FAT4: variants seen among roughly 807,000 people sequenced by gnomAD.
FAT4 encodes protocadherin Fat 4.
Under a neutral mutation model 303.9 loss-of-function variants are expected in FAT4, and 84 were observed. The ratio of observed to expected loss-of-function variants is 0.28; its 90% CI spans 0.23 to 0.33. The LOEUF is 0.33. Ranked by LOEUF, FAT4 falls within the 10% of genes least tolerant of loss-of-function variation. The pLI is 1.00. For synonymous variants in FAT4, 2,307 were observed against 2,298.8 expected, an observed-to-expected ratio of 1.00 and a Z score of -0.10; for missense variants, 6,005 against 6,146.8, an observed-to-expected ratio of 0.98 and a Z score of 0.77.
At chr4:125,408,322 A>T (rs1033045490) in intron 4 of FAT4, 122 bp from the exon 5 acceptor site, 2 of 592,130 alleles carry the variant, frequency 3.4e-6, no homozygotes, top group African/African-American at 3.8e-5. Flanking sequence ...CTGTATTTTC[A>T]TAGCGGTTTT....
Position 125,491,121 on chromosome 4 carries a change from G to A in FAT4, c.14305G>A (p.Gly4769Arg), listed in dbSNP as rs760562308. The stretch of plus-strand genomic sequence containing the variant: ...CATGGCATCACATGGTTCTAGACCA[G>A]GGAGTCGCCTAAAGCAGCCGATTGG... ...QAMASHGSRP[G>R]SRLKQPIGQI... Residue 4769 changes from glycine (G) to arginine (R), a missense_variant, in exon 18 of 18, where the codon GGG becomes AGG. By Grantham distance (125) the Gly-to-Arg change is moderately radical. Transcript: ENST00000394329. The A allele has an allele frequency of 1.2e-6, 2 of 1,614,156 alleles. No homozygotes were observed. The highest frequency in any genetic ancestry group is 2.2e-5 in the East Asian group (1 of 44,856).
chr4:125,468,742 G>C lies in FAT4; in HGVS notation c.12136G>C (p.Gly4046Arg). ...AAGATTCTCTTATAATTTAGGCAGT[G>C]GTACATATAAGCTCACCACCATGAA... The part of the protein sequence containing the change: ...RLRFSYNLGS[G>R]TYKLTTMKKV... The change falls in exon 12 of 18, where the codon GGT becomes CGT. Residue 4046 changes from glycine to arginine, a missense_variant. By Grantham distance (125) the Gly-to-Arg change is moderately radical (BLOSUM62 -2). Transcript: ENST00000394329. 6.2e-7 allele frequency: 1 copy of C among 1,614,042 alleles called. No homozygotes were observed. The highest frequency in any genetic ancestry group is 8.5e-7 in the Non-Finnish European group (1 of 1,179,992).
chr4:125,467,016 A>T (rs113460425), intron 11 of FAT4, among the ~76,000 whole-genome samples: 55,259 of 150,990 alleles, frequency 0.37, 10,140 homozygotes, highest in East Asian at 0.59. Context: ...TGACCTCGTG[A>T]TCCGCCCACC....
intron 2 of FAT4, among the ~76,000 whole-genome samples, chr4:125,330,178 C>T (rs1169960675): frequency 6.6e-6 from 1 of 152,188 alleles, no homozygotes; most frequent in Non-Finnish European, 1.5e-5. Context: ...AACACCCTTT[C>T]TCCAGACATC....
rs1369229012 is a variant in FAT4 at position 125,449,736 on chromosome 4, T to C, written c.8726T>C (p.Val2909Ala). The C allele has an allele frequency of 6.2e-7, 1 of 1,613,834 alleles. No individual in the cohort carries two copies. The highest frequency in any genetic ancestry group is 8.5e-7 in the Non-Finnish European group (1 of 1,179,864). ...TDPDEGSNGQ[V>A]FYFIKSQSEY... ...CCTGATGAGGGATCAAATGGACAAG[T>C]GTTTTATTTCATAAAATCCCAATCA... The change falls in exon 10 of 18, where the codon GTG becomes GCG. Residue 2909 changes from valine to alanine, a missense_variant. Val to Ala is a moderately conservative substitution (Grantham distance 64). Transcript: ENST00000394329.
intron 7 of FAT4, among the ~76,000 whole-genome samples, chr4:125,429,250 A>T (rs1284065726): frequency 1.3e-5 from 2 of 152,228 alleles, no homozygotes; most frequent in Admixed American, 1.3e-4. Context: ...ACTTTCATCC[A>T]TGTAGACCAG....
rs150252710 is a variant in FAT4, at chr4:125,456,351, A to G, written c.11800+3541A>G. Among the ~76,000 whole-genome samples, 468 of 152,268 alleles carry G rather than the reference A, an allele frequency of 3.1e-3. 9 individuals carry two copies. Among genetic ancestry groups the G allele is most frequent in the East Asian group, 1.2e-3 (6 of 5,180 alleles). On this transcript the variant is annotated intron_variant, in intron 10 of 17. Coordinates refer to ENST00000394329, the MANE Select transcript of FAT4 (RefSeq NM_001291303.3). ...GTTTGAAGTTATACATTAACGTTAC[A>G]TACTTCTCCTCAGAGTTCACTTCAG...
intron 12 of FAT4, among the ~76,000 whole-genome samples, chr4:125,475,677 A>T (rs998059692): frequency 6.6e-6 from 1 of 152,122 alleles, no homozygotes; most frequent in African/African-American, 2.4e-5. Flanking sequence ...TTAAATTTTC[A>T]TAGATTGCTA....
chr4:125,477,670 T>C (rs1376168571), intron 14 of FAT4, among the ~76,000 whole-genome samples: 1 of 151,918 alleles, frequency 6.6e-6, no homozygotes, highest in African/African-American at 2.4e-5. Flanking sequence ...GAGAGATATG[T>C]AGATGTTAGC....
intron 2 of FAT4, among the ~76,000 whole-genome samples, chr4:125,379,521 G>A (rs1455837335): frequency 1.3e-5 from 2 of 151,948 alleles, no homozygotes; most frequent in Non-Finnish European, 2.9e-5. Flanking sequence ...GTACAGTTGT[G>A]CAATCTCGGC....
Position 125,411,856 on chromosome 4 carries a change from G to GTA in FAT4, c.5921-3012_5921-3011dup, listed in dbSNP as rs10536435. ...CTATATATAGTGTGTGTGTATGTGTGTATATATATATATATATGACGAAAC... is the reference window on the plus strand; with the variant it reads ...CTATATATAGTGTGTGTGTATGTGTGTATATATATATATATATATGACGAAAC... On this transcript the variant is annotated intron_variant, in intron 5 of 17. Coordinates refer to ENST00000394329, the MANE Select transcript of FAT4 (RefSeq NM_001291303.3). Among the ~76,000 whole-genome samples, 381 of 147,392 alleles carry GTA rather than the reference G, an allele frequency of 2.6e-3. 6 individuals are homozygous for GTA. Among genetic ancestry groups the GTA allele is most frequent in the Admixed American group, 8.2e-3 (120 of 14,588 alleles).
intron 2 of FAT4, among the ~76,000 whole-genome samples, chr4:125,348,108 C>G (rs936746370): frequency 2.9e-4 from 44 of 151,892 alleles, no homozygotes; most frequent in African/African-American, 1.1e-3. Context: ...CACAATATTT[C>G]TGAACCTCGA....
At chr4:125,322,217 C>G (rs1334154560) in intron 2 of FAT4, among the ~76,000 whole-genome samples, 2 of 152,114 alleles carry the variant, frequency 1.3e-5, no homozygotes, top group African/African-American at 4.8e-5. Context: ...TTCCTTTTCC[C>G]TCTTAAATTA....
At chr4:125,454,688 C>A (rs966057756) in intron 10 of FAT4, among the ~76,000 whole-genome samples, 24 of 152,198 alleles carry the variant, frequency 1.6e-4, no homozygotes, top group African/African-American at 5.5e-4. Flanking sequence ...CAAAAATTAG[C>A]TGGGCGTGGT....
intron 2 of FAT4, among the ~76,000 whole-genome samples, chr4:125,374,045 C>A (rs184512245): frequency 6.6e-6 from 1 of 152,256 alleles, no homozygotes; most frequent in African/African-American, 2.4e-5. Flanking sequence ...TCTCTACTAA[C>A]CTTGAAATCA....
chr4:125,353,429 T>C (rs1240803503), intron 2 of FAT4, among the ~76,000 whole-genome samples: 4 of 151,688 alleles, frequency 2.6e-5, no homozygotes, highest in African/African-American at 9.7e-5. Context: ...TAGTTTAAAA[T>C]TGTACTGTGC....
intron 2 of FAT4, among the ~76,000 whole-genome samples, chr4:125,391,271 A>T (rs2126006820): frequency 6.6e-6 from 1 of 152,288 alleles, no homozygotes; most frequent in Non-Finnish European, 1.5e-5. Context: ...TCCAACCCAA[A>T]TGCCCATCAA....
At position 125,414,985 on chromosome 4, in the gene FAT4, C is replaced by G; in HGVS notation, c.6022C>G (p.Arg2008Gly). Residue 2008 changes from arginine to glycine, a missense_variant, in exon 6 of 18, where the codon CGG becomes GGG. Transcript: ENST00000394329. ...GVLKVLKALD[R>G]ESQSFYNLVV... ...ACTCAAAGTCCTAAAAGCTTTGGAT[C>G]GGGAAAGTCAGTCCTTCTACAACTT... 6.2e-7 allele frequency: 1 copy of G among 1,613,896 alleles called. No individual in the cohort carries two copies. Among genetic ancestry groups the G allele is most frequent in the Non-Finnish European group, 8.5e-7 (1 of 1,179,880 alleles).
chr4:125,407,824 T>C (rs1383773321), intron 4 of FAT4, among the ~76,000 whole-genome samples: 1 of 152,134 alleles, frequency 6.6e-6, no homozygotes, highest in Non-Finnish European at 1.5e-5. Context: ...TTGGAAATTT[T>C]TATGTAAAAT....
Sources: allele counts gnomAD v4.1 joint callset (sites outside exome capture counted in the v4.1 genomes callset), GRCh38; gene constraint gnomAD v4.1.1; transcripts MANE v1.5; gene names NCBI Gene and HGNC (gene_info 2026-07-23, HGNC 2026-07-21).